The following DOCK4 variants were observed in gnomAD, a reference collection of about 807,000 sequenced individuals.
DOCK4 encodes dedicator of cytokinesis protein 4.
DOCK4 carries 97 observed loss-of-function variants against 268.1 expected under a neutral mutation model. That is an observed-to-expected ratio of 0.36 (90% CI 0.31 to 0.43). The LOEUF is 0.43. Among genes scored for constraint, DOCK4 ranks in the 20% least tolerant of loss-of-function variants. The probability of loss-of-function intolerance (pLI) is 1.00; values close to 1 mark genes in which losing one functional copy is unlikely to be tolerated. For missense variants in DOCK4, 2,145 were observed against 2,455.7 expected (o/e 0.87, Z 2.67); for synonymous variants, 954 against 887.2 (o/e 1.08, Z -1.34).
chr7:112,179,125 A>G (rs1263593336), intron 1 of DOCK4, among the ~76,000 whole-genome samples: 1 of 152,306 alleles, frequency 6.6e-6, no homozygotes, highest in South Asian at 2.1e-4. Context: ...TTTGGCTCAC[A>G]CCTATAATCT....
chr7:111,948,873 G>A lies in DOCK4; in HGVS notation c.702-3075C>T, dbSNP rs117596020. Among the ~76,000 whole-genome samples the A allele has an allele frequency of 2.7e-4, 40 of 150,174 alleles. No homozygotes were observed. The East Asian group carries it at 7.6e-3, about 29-fold the overall frequency. ...TGGGATTACAAGTGTGAGCCACTGCGCCCAGCCAGTAGTTTTCTTTAACGA... is the reference window on the plus strand; with the variant it reads ...TGGGATTACAAGTGTGAGCCACTGCACCCAGCCAGTAGTTTTCTTTAACGA... On this transcript the variant is annotated intron_variant, in intron 8 of 52. Coordinates refer to ENST00000428084, the MANE Select transcript of DOCK4 (RefSeq NM_001363540.2).
chr7:111,862,121 A>G (rs2134179798), intron 23 of DOCK4, among the ~76,000 whole-genome samples: 1 of 152,160 alleles, frequency 6.6e-6, no homozygotes, highest in South Asian at 2.1e-4. Flanking sequence ...CAACATGGTG[A>G]AACCCTGCCT....
At chr7:111,865,815 G>A (rs1805930125) in intron 22 of DOCK4, among the ~76,000 whole-genome samples, 2 of 152,220 alleles carry the variant, frequency 1.3e-5, no homozygotes, top group African/African-American at 4.8e-5. Flanking sequence ...TTTGAGGAAG[G>A]AGCAGCCATG....
intron 1 of DOCK4, among the ~76,000 whole-genome samples, chr7:112,135,878 A>G (rs946313763): frequency 1.3e-5 from 2 of 152,220 alleles, no homozygotes; most frequent in African/African-American, 4.8e-5. Context: ...ACAGAAAATA[A>G]TAAGAGAAAC....
chr7:112,041,591 C>T (rs1272085522), intron 1 of DOCK4, among the ~76,000 whole-genome samples: 1 of 152,146 alleles, frequency 6.6e-6, no homozygotes, highest in Non-Finnish European at 1.5e-5. Flanking sequence ...AGATTCCAAA[C>T]CCAATACCAT....
intron 1 of DOCK4, among the ~76,000 whole-genome samples, chr7:112,073,673 T>A (rs1055704505): frequency 6.6e-5 from 10 of 152,148 alleles, no homozygotes; most frequent in Admixed American, 6.5e-5. Flanking sequence ...AAACACCACA[T>A]GATCTCACTT....
intron 1 of DOCK4, among the ~76,000 whole-genome samples, chr7:112,061,447 G>C (rs188141790): frequency 2.0e-5 from 3 of 152,178 alleles, no homozygotes; most frequent in African/African-American, 7.2e-5. Context: ...GGTAGCTCAA[G>C]ACAGATGCCC....
In DOCK4 at chr7:111,859,191, G is replaced by C. The variant is rs554039861; in HGVS notation, c.2473+4181C>G. On this transcript the variant is annotated intron_variant, in intron 23 of 52. Coordinates refer to ENST00000428084, the MANE Select transcript of DOCK4 (RefSeq NM_001363540.2). ...GCACCACCACACCTGACTATTTTTT[G>C]TTTATTTTTTGTAGAGATGCTGGTA... Among the ~76,000 whole-genome samples, 12 of 152,154 alleles carry C rather than the reference G, an allele frequency of 7.9e-5. No homozygotes were observed. In the Middle Eastern group the frequency reaches 0.014, roughly 174 times the overall value.
chr7:112,023,409 T>C lies in DOCK4; in HGVS notation c.38-19278A>G, dbSNP rs1802509821. 1.1e-5 allele frequency: 3 copies of C among 276,466 alleles called. No individual in the cohort carries two copies. The South Asian group carries it at 1.1e-4, about 10-fold the overall frequency. 17.1% of individuals were successfully genotyped at this position (276,466 alleles called of 1,614,324 possible). A position where few individuals can be genotyped will look rare whatever the true frequency, so the allele number is the denominator to read the frequency against. On this transcript the variant is annotated intron_variant, in intron 1 of 52. Coordinates refer to ENST00000428084, the MANE Select transcript of DOCK4 (RefSeq NM_001363540.2). Reference sequence around the variant, plus strand: ...CCTTAAGATTTGGTGTTTACTCCTATTCAAGTTGTAAAGAGCATCCAAGGC... The same window carrying C: ...CCTTAAGATTTGGTGTTTACTCCTACTCAAGTTGTAAAGAGCATCCAAGGC...
At chr7:111,807,309 T>C (rs941406057) in intron 30 of DOCK4, among the ~76,000 whole-genome samples, 1 of 152,124 alleles carries the variant, frequency 6.6e-6, no homozygotes, top group Non-Finnish European at 1.5e-5. Flanking sequence ...TGATCTTCTT[T>C]AGGAAAAACA....
chr7:112,076,815 A>G, intron 1 of DOCK4, among the ~76,000 whole-genome samples: 1 of 152,148 alleles, frequency 6.6e-6, no homozygotes, highest in Non-Finnish European at 1.5e-5. Flanking sequence ...GTAAGAACTA[A>G]ACAGAGCACT....
chr7:112,135,266 A>G (rs1426644927), intron 1 of DOCK4, among the ~76,000 whole-genome samples: 1 of 152,170 alleles, frequency 6.6e-6, no homozygotes, highest in African/African-American at 2.4e-5. Context: ...TAAAATAGTT[A>G]AAACCATGGA....
At chr7:112,069,174 G>C (rs978094707) in intron 1 of DOCK4, among the ~76,000 whole-genome samples, 73 of 152,140 alleles carry the variant, frequency 4.8e-4, no homozygotes, top group African/African-American at 1.4e-3. Flanking sequence ...AGCCGTCTAC[G>C]TAACACCAAG....
At chr7:112,147,595 T>C (rs1408910228) in intron 1 of DOCK4, among the ~76,000 whole-genome samples, 1 of 152,120 alleles carries the variant, frequency 6.6e-6, no homozygotes, top group African/African-American at 2.4e-5. Context: ...ATTGAAAAGT[T>C]TGCCCACTTT....
At chr7:112,134,301 C>T (rs1205494305) in intron 1 of DOCK4, among the ~76,000 whole-genome samples, 2 of 152,142 alleles carry the variant, frequency 1.3e-5, no homozygotes, top group African/African-American at 4.8e-5. Flanking sequence ...TATGCCAAAC[C>T]ATCAAAAACC....
intron 8 of DOCK4, among the ~76,000 whole-genome samples, chr7:111,963,417 T>C (rs1473722683): frequency 3.2e-5 from 4 of 123,548 alleles, no homozygotes; most frequent in East Asian, 2.8e-4. Context: ...GTCAGGGAGT[T>C]CCCTTTCTGA....
chr7:111,914,949 T>G (rs1406514598), intron 13 of DOCK4, among the ~76,000 whole-genome samples: 5 of 152,200 alleles, frequency 3.3e-5, no homozygotes, highest in Non-Finnish European at 7.3e-5. Context: ...AACTTTTGGC[T>G]CCTGGCACAA....
chr7:112,117,023 A>G (rs968918032), intron 1 of DOCK4, among the ~76,000 whole-genome samples: 1 of 152,378 alleles, frequency 6.6e-6, no homozygotes, highest in East Asian at 1.9e-4. Context: ...TGAAAGAAAC[A>G]GTAACTGAAG....
At chr7:112,125,906 T>G (rs1292787398) in intron 1 of DOCK4, among the ~76,000 whole-genome samples, 1 of 152,144 alleles carries the variant, frequency 6.6e-6, no homozygotes, top group African/African-American at 2.4e-5. Flanking sequence ...CCTCCCTGTC[T>G]CAGGAGATTA....
Sources: gnomAD v4.1 joint callset for allele counts (sites outside exome capture counted in the v4.1 genomes callset) on GRCh38, gnomAD v4.1.1 for gene constraint, MANE v1.5 for transcripts, NCBI Gene and HGNC (gene_info 2026-07-23, HGNC 2026-07-21) for gene names.